TTC39B: variants seen among roughly 807,000 people sequenced by gnomAD.
TTC39B encodes the protein tetratricopeptide repeat domain 39B.
Under a neutral mutation model 96.6 loss-of-function variants are expected in TTC39B, and 92 were observed. That is an observed-to-expected ratio of 0.95 (90% CI 0.80 to 1.13). The LOEUF is 1.13. TTC39B is among the 50% of genes most tolerant of loss of function. The pLI, the probability that TTC39B is intolerant of heterozygous loss-of-function variation, is 0.00. For missense variants in TTC39B, 955 were observed against 809.3 expected (o/e 1.18, Z -2.18); for synonymous variants, 367 against 299.4 (o/e 1.23, Z -2.33).
At chr9:15,264,474 T>G (rs1823052606) in intron 2 of TTC39B, among the ~76,000 whole-genome samples, 1 of 152,050 alleles carries the variant, frequency 6.6e-6, no homozygotes, top group Non-Finnish European at 1.5e-5. Flanking sequence ...GCCAACATAG[T>G]GAAACCTTGT....
chr9:15,260,400 C>T (rs997443291), intron 2 of TTC39B, among the ~76,000 whole-genome samples: 2 of 151,732 alleles, frequency 1.3e-5, no homozygotes, highest in African/African-American at 4.8e-5. Flanking sequence ...AACTCCCTTT[C>T]CAGACTTGAG....
chr9:15,185,446 G>A, intron 15 of TTC39B, 40 bp from the exon 16 acceptor site: 1 of 1,609,732 alleles, frequency 6.2e-7, no homozygotes, highest in Non-Finnish European at 8.5e-7. Context: ...AAAGGTCATG[G>A]CAACACATAC....
intron 17 of TTC39B, among the ~76,000 whole-genome samples, chr9:15,178,041 T>C (rs1481094267): frequency 6.6e-6 from 1 of 151,830 alleles, no homozygotes; most frequent in East Asian, 2.0e-4. Context: ...GGCTAATTTT[T>C]TGTATTTTTA....
At chr9:15,285,472 C>T (rs1823933755) in intron 1 of TTC39B, among the ~76,000 whole-genome samples, 1 of 152,220 alleles carries the variant, frequency 6.6e-6, no homozygotes, top group Admixed American at 6.5e-5. Flanking sequence ...GATTACTACA[C>T]ATTGTATGCC....
chr9:15,189,776 A>G (rs1818751345), exon 12 of TTC39B: 2 of 1,612,018 alleles, frequency 1.2e-6, no homozygotes, highest in African/African-American at 2.7e-5. Flanking sequence ...CTTCCGCAAC[A>G]TTCACTTCTC....
chr9:15,202,890 T>G (rs561326525), intron 7 of TTC39B, among the ~76,000 whole-genome samples: 1 of 152,258 alleles, frequency 6.6e-6, no homozygotes, highest in African/African-American at 2.4e-5. Flanking sequence ...TACAGAAGCA[T>G]TGGAAGATAC....
chr9:15,200,785 G>A (rs1407391022), intron 7 of TTC39B, among the ~76,000 whole-genome samples: 2 of 152,212 alleles, frequency 1.3e-5, no homozygotes, highest in Admixed American at 1.3e-4. Flanking sequence ...TGGATCACCA[G>A]GTTAGGAGAT....
At chr9:15,177,933 A>G (rs542257806) in intron 17 of TTC39B, 119 bp from the exon 18 acceptor site, 29 of 544,870 alleles carry the variant, frequency 5.3e-5, no homozygotes, top group Non-Finnish European at 7.0e-5. Flanking sequence ...GCAGTGGCGC[A>G]ATCTCGGCTC....
intron 1 of TTC39B, among the ~76,000 whole-genome samples, chr9:15,303,982 A>T (rs1014646215): frequency 6.6e-6 from 1 of 152,216 alleles, no homozygotes; most frequent in African/African-American, 2.4e-5. Context: ...TATTAATTCA[A>T]ATACTGTCAA....
rs536697566 is a variant in TTC39B at position 15,178,026 on chromosome 9, C to T, written c.1724-212G>A. 1.1e-4 allele frequency among the ~76,000 whole-genome samples: 17 copies of T among 151,898 alleles called. No homozygotes were observed. In the East Asian group the frequency reaches 3.1e-3, roughly 28 times the overall value. ...CTGGGACTACAGGTGCCCACCACCA[C>T]GCCCGGCTAATTTTTTGTATTTTTA... On this transcript the variant is annotated intron_variant, in intron 17 of 19. Transcript: ENST00000512701.
chr9:15,244,138 T>C (rs931478519), intron 2 of TTC39B, among the ~76,000 whole-genome samples: 2 of 152,250 alleles, frequency 1.3e-5, no homozygotes, highest in African/African-American at 4.8e-5. Flanking sequence ...GAATGTTGGA[T>C]TGGCAAGAGA....
chr9:15,257,533 C>G (rs1207276157), intron 2 of TTC39B, among the ~76,000 whole-genome samples: 1 of 152,044 alleles, frequency 6.6e-6, no homozygotes, highest in African/African-American at 2.4e-5. Context: ...AACACAGCCT[C>G]GACTTCTGCG....
At chr9:15,208,614 T>A (rs1418208855) in intron 6 of TTC39B, among the ~76,000 whole-genome samples, 1 of 152,190 alleles carries the variant, frequency 6.6e-6, no homozygotes, top group Non-Finnish European at 1.5e-5. Flanking sequence ...GCAGACACAT[T>A]CTATCCGAAG....
At chr9:15,277,430 A>T (rs1823586884) in intron 1 of TTC39B, among the ~76,000 whole-genome samples, 1 of 152,208 alleles carries the variant, frequency 6.6e-6, no homozygotes. Flanking sequence ...GTCTAAAAAC[A>T]ACAACAACGT....
chr9:15,189,700 A>T lies in TTC39B; in HGVS notation c.1173+25T>A, dbSNP rs1818743979. On this transcript the variant is annotated intron_variant, in intron 12 of 19. Coordinates refer to ENST00000512701, the Ensembl canonical transcript of TTC39B. ...CTGGCTGATTAATTATGGTTGAAAC[A>T]TACACTTTGAAATACTGAGCGTACA... 6 of 1,614,096 alleles carry T rather than the reference A, an allele frequency of 3.7e-6. No homozygotes were observed. The East Asian group carries it at 1.3e-4, about 36-fold the overall frequency.
intron 11 of TTC39B, 143 bp from the exon 12 acceptor site, chr9:15,189,935 A>G (rs1002862680): frequency 4.7e-6 from 3 of 644,464 alleles, no homozygotes; most frequent in South Asian, 1.9e-5. Context: ...ATATCTGGGG[A>G]ATAAAATAAA....
chr9:15,284,906 C>A (rs1357040448), intron 1 of TTC39B, among the ~76,000 whole-genome samples: 1 of 151,894 alleles, frequency 6.6e-6, no homozygotes, highest in African/African-American at 2.4e-5. Flanking sequence ...ATCGAACGTA[C>A]CTAGAGAAAA....
intron 14 of TTC39B, 90 bp from the exon 15 acceptor site, chr9:15,187,125 G>C (rs1053207952): frequency 4.4e-6 from 4 of 911,676 alleles, no homozygotes; most frequent in Non-Finnish European, 6.6e-6. Flanking sequence ...AAGTCTTCCA[G>C]ATATAAAATT....
chr9:15,226,117 ATC>A, intron 2 of TTC39B, 105 bp from the exon 3 acceptor site: 1 of 837,292 alleles, frequency 1.2e-6, no homozygotes, highest in Non-Finnish European at 1.8e-6. Context: ...ATTTTTATAC[ATC>A]TTACCTCCAT....
Sources: allele counts gnomAD v4.1 joint callset (sites outside exome capture counted in the v4.1 genomes callset), GRCh38; gene constraint gnomAD v4.1.1; transcripts MANE v1.5; gene names NCBI Gene and HGNC (gene_info 2026-07-23, HGNC 2026-07-21).